Variants in RAD51B observed in about 807,000 individuals in gnomAD.
RAD51B encodes RAD51 paralog B, also known as DNA repair protein RAD51 homolog 2.
In RAD51B, 38 loss-of-function variants were observed where a neutral mutation model predicts 42.2. The ratio of observed to expected loss-of-function variants is 0.90; its 90% CI spans 0.70 to 1.18. The LOEUF (loss-of-function observed/expected upper bound fraction) is 1.18. Ranked by LOEUF, RAD51B falls within the 50% of genes most tolerant of loss-of-function variation. The pLI is 0.00. For missense variants in RAD51B, 373 were observed against 400.7 expected (o/e 0.93, Z 0.59); for synonymous variants, 154 against 145.2 (o/e 1.06, Z -0.43).
intron 10 of RAD51B, chr14:68,468,681 G>A (rs2074564): frequency 0.39 from 124,643 of 318,484 alleles, 25,829 homozygotes; most frequent in East Asian, 0.57. Flanking sequence ...GGGGCACAAT[G>A]TCATGGCTCC....
At chr14:68,668,075 C>T (rs1034264933) in intron 11 of RAD51B, among the ~76,000 whole-genome samples, 1 of 152,184 alleles carries the variant, frequency 6.6e-6, no homozygotes, top group African/African-American at 2.4e-5. Context: ...AGGGCCTCAC[C>T]CCTGGCTGCT....
At chr14:67,981,368 T>A (rs1171427885) in intron 7 of RAD51B, among the ~76,000 whole-genome samples, 1 of 152,260 alleles carries the variant, frequency 6.6e-6, no homozygotes, top group Non-Finnish European at 1.5e-5. Context: ...GGTGGGAATG[T>A]AAAATGGTAT....
chr14:68,595,723 G>T, exon 11 of RAD51B: 1 of 731,042 alleles, frequency 1.4e-6, no homozygotes, highest in Non-Finnish European at 1.7e-6. Context: ...ATACTAGATG[G>T]TCATTAAAAT....
intron 7 of RAD51B, among the ~76,000 whole-genome samples, chr14:68,212,075 C>T (rs971833898): frequency 2.0e-5 from 3 of 152,182 alleles, no homozygotes; most frequent in Non-Finnish European, 2.9e-5. Context: ...TTGTGAACTT[C>T]GTCAGGGGAA....
At chr14:67,851,354 G>A (rs999140978) in intron 4 of RAD51B, among the ~76,000 whole-genome samples, 72 of 151,910 alleles carry the variant, frequency 4.7e-4, no homozygotes, top group African/African-American at 1.6e-3. Flanking sequence ...CTCAGGCAGG[G>A]CACTTAGGCG....
intron 7 of RAD51B, among the ~76,000 whole-genome samples, chr14:68,220,922 G>C (rs950542627): frequency 1.3e-5 from 2 of 152,008 alleles, no homozygotes; most frequent in African/African-American, 4.8e-5. Context: ...CACGAGGTCA[G>C]GAGATCGAGA....
At chr14:68,212,362 G>A (rs1467916743) in intron 7 of RAD51B, among the ~76,000 whole-genome samples, 1 of 152,194 alleles carries the variant, frequency 6.6e-6, no homozygotes, top group African/African-American at 2.4e-5. Flanking sequence ...GCTGTTTTGA[G>A]AATTAAATTA....
chr14:68,648,170 C>T (rs1892623101), intron 10 of RAD51B, among the ~76,000 whole-genome samples: 1 of 107,298 alleles, frequency 9.3e-6, no homozygotes, highest in Non-Finnish European at 2.0e-5. Context: ...TATATATATA[C>T]ACACGTATAT....
chr14:68,084,024 T>TG, intron 7 of RAD51B, among the ~76,000 whole-genome samples: 1 of 152,278 alleles, frequency 6.6e-6, no homozygotes, highest in East Asian at 1.9e-4. Context: ...TGTGTACGTG[T>TG]GTGCATGTTG....
At position 68,636,927 on chromosome 14, in the gene RAD51B, T is replaced by C. The variant is rs570489632; in HGVS notation, c.1037-13854T>C. On this transcript the variant is annotated intron_variant, in intron 10 of 11. Transcript: ENST00000488612. The stretch of plus-strand genomic sequence containing the variant: ...GGAGAGCCCTTCGTTGACCACCTTG[T>C]GGAATAGTTGCTCTCTAGCCCCTGT... 7.9e-5 allele frequency among the ~76,000 whole-genome samples: 12 copies of C among 152,346 alleles called. No homozygotes were observed. The East Asian group carries it at 2.3e-3, about 29-fold the overall frequency.
intron 7 of RAD51B, among the ~76,000 whole-genome samples, chr14:68,176,518 T>C (rs907265026): frequency 3.3e-5 from 5 of 152,152 alleles, no homozygotes; most frequent in African/African-American, 7.2e-5. Context: ...GGCAACTCAA[T>C]CATCATTAGA....
At chr14:68,585,837 G>A (rs1433361728) in intron 10 of RAD51B, among the ~76,000 whole-genome samples, 4 of 152,114 alleles carry the variant, frequency 2.6e-5, no homozygotes. Context: ...ATAAATATTC[G>A]GGGAGTTTGA....
chr14:68,180,582 A>G (rs2079044152), intron 7 of RAD51B, among the ~76,000 whole-genome samples: 1 of 152,210 alleles, frequency 6.6e-6, no homozygotes, highest in Admixed American at 6.5e-5. Context: ...CATTATCGCC[A>G]CTTTACAAAT....
intron 10 of RAD51B, among the ~76,000 whole-genome samples, chr14:68,511,381 T>A (rs1415069622): frequency 6.6e-6 from 1 of 152,128 alleles, no homozygotes; most frequent in Non-Finnish European, 1.5e-5. Flanking sequence ...CAGAGATGAT[T>A]TCTCACTGCT....
At chr14:67,826,287 T>A (rs553954919) in intron 3 of RAD51B, among the ~76,000 whole-genome samples, 1 of 152,310 alleles carries the variant, frequency 6.6e-6, no homozygotes, top group South Asian at 2.1e-4. Context: ...TACACATAAT[T>A]GTACTTGTAG....
chr14:68,415,526 G>C (rs2084534164), intron 9 of RAD51B, among the ~76,000 whole-genome samples: 1 of 152,214 alleles, frequency 6.6e-6, no homozygotes, highest in Admixed American at 6.5e-5. Context: ...CAGTCTACTT[G>C]AGGAAACAGA....
chr14:68,366,458 C>T lies in RAD51B; in HGVS notation c.854-44966C>T, dbSNP rs140924025. On this transcript the variant is annotated intron_variant, in intron 8 of 10. Transcript: ENST00000471583. ...AAGATGATGGATGGCAAAAGAACCC[C>T]CTATGGTCATAAATAAGCTAACTTT... is the stretch of plus-strand genomic sequence containing the variant. 5.4e-3 allele frequency among the ~76,000 whole-genome samples: 829 copies of T among 152,262 alleles called. 6 individuals are homozygous for T. Among genetic ancestry groups the T allele is most frequent in the Non-Finnish European group, 0.01 (696 of 68,018 alleles).
intron 10 of RAD51B, among the ~76,000 whole-genome samples, chr14:68,475,822 C>A (rs1820275405): frequency 6.6e-6 from 1 of 152,102 alleles, no homozygotes; most frequent in South Asian, 2.1e-4. Context: ...GCTATCTTTG[C>A]AGAGTTAACA....
intron 8 of RAD51B, among the ~76,000 whole-genome samples, chr14:68,341,353 A>G (rs774350724): frequency 2.6e-5 from 4 of 152,220 alleles, no homozygotes; most frequent in Non-Finnish European, 5.9e-5. Flanking sequence ...TAGAACATCT[A>G]TTACAGCACT....
Sources: allele counts gnomAD v4.1 joint callset (sites outside exome capture counted in the v4.1 genomes callset), GRCh38; gene constraint gnomAD v4.1.1; transcripts MANE v1.5; gene names NCBI Gene and HGNC (gene_info 2026-07-23, HGNC 2026-07-21).